GLYATL2: variants seen among roughly 807,000 people sequenced by gnomAD.
GLYATL2 encodes glycine N-acyltransferase-like protein 2.
In GLYATL2, 25 loss-of-function variants were observed where a neutral mutation model predicts 21.4. That is an observed-to-expected ratio of 1.17 (90% confidence interval 0.85 to 1.63). The LOEUF (loss-of-function observed/expected upper bound fraction) is 1.63, where lower values mean the gene tolerates loss of function less well. Among genes scored for constraint, GLYATL2 ranks in the 40% most tolerant of loss-of-function variants. The pLI, the probability that GLYATL2 is intolerant of heterozygous loss-of-function variation, is 0.00. For synonymous variants in GLYATL2, 114 were observed against 118.2 expected (o/e 0.96, Z 0.23); for missense variants, 361 against 343.3 (o/e 1.05, Z -0.41).
intron 1 of GLYATL2, among the ~76,000 whole-genome samples, chr11:58,874,030 G>A (rs529673894): frequency 4.3e-4 from 66 of 152,194 alleles, no homozygotes; most frequent in African/African-American, 1.5e-3. Flanking sequence ...TGTATGTGTC[G>A]AGGAATTTAT....
intron 1 of GLYATL2, among the ~76,000 whole-genome samples, chr11:58,887,746 G>A (rs1330897498): frequency 6.6e-6 from 1 of 152,142 alleles, no homozygotes; most frequent in African/African-American, 2.4e-5. Context: ...TTCTCTTGCT[G>A]TTGGGTTCAA....
intron 1 of GLYATL2, among the ~76,000 whole-genome samples, chr11:58,900,018 T>C (rs1190915564): frequency 4.0e-5 from 6 of 148,824 alleles, no homozygotes; most frequent in African/African-American, 1.5e-4. Flanking sequence ...TTTTGGGGGG[T>C]GGGGGGAGAT....
At chr11:58,861,391 A>C (rs618052) in intron 1 of GLYATL2, among the ~76,000 whole-genome samples, 138,206 of 152,000 alleles carry the variant, frequency 0.91, 63,444 homozygotes, top group Non-Finnish European at 0.98. Context: ...ATAATAGTCT[A>C]TTCTGATCCT....
upstream of GLYATL2, chr11:58,908,092 C>T (rs934154617): frequency 3.3e-5 from 5 of 152,376 alleles, no homozygotes; most frequent in Non-Finnish European, 4.4e-5. Context: ...CATCTCTGAT[C>T]CTCTGTGCTC....
Position 58,868,976 on chromosome 11 carries a change from T to A in GLYATL2, n.61-30608A>T, listed in dbSNP as rs2856254. Among the ~76,000 whole-genome samples the A allele has an allele frequency of 3.7e-5, 5 of 136,770 alleles. 1 individual carries two copies. Among genetic ancestry groups the A allele is most frequent in the African/African-American group, 1.2e-4 (5 of 40,322 alleles). 89.7% of individuals were successfully genotyped at this position (136,770 alleles called of 152,430 possible). On this transcript the variant is annotated intron_variant and non_coding_transcript_variant, in intron 1 of 4. Coordinates refer to the GLYATL2 transcript ENST00000533636. ...TTCAGTATGGACACTCTTGGGGAGT[T>A]GTTCGTCATTTTGTGTGTGTCCAGG...
intron 1 of GLYATL2, among the ~76,000 whole-genome samples, chr11:58,903,007 C>A (rs934837943): frequency 6.6e-6 from 1 of 152,172 alleles, no homozygotes; most frequent in African/African-American, 2.4e-5. Context: ...ACCTATAGCT[C>A]TAGGTAGTTA....
intron 1 of GLYATL2, among the ~76,000 whole-genome samples, chr11:58,841,283 T>G (rs1306466708): frequency 6.6e-6 from 1 of 152,202 alleles, no homozygotes; most frequent in African/African-American, 2.4e-5. Context: ...GTTAACAACA[T>G]GGGCTTTGGA....
chr11:58,905,758 G>GT, upstream of GLYATL2: 2 of 27,562 alleles, frequency 7.3e-5, 1 homozygote, highest in Non-Finnish European at 1.4e-4. Context: ...GGGCGGGTGG[G>GT]CGCGCAGTCC....
chr11:58,872,094 T>C (rs2134603639), intron 1 of GLYATL2, among the ~76,000 whole-genome samples: 1 of 152,370 alleles, frequency 6.6e-6, no homozygotes, highest in East Asian at 1.9e-4. Context: ...TTGAGAATTG[T>C]CTGTTCATAT....
rs1390127991 is a variant in GLYATL2, at chr11:58,844,528, A to G, written c.-135T>C. ...TCTGTAGCTAATACTCTACGGACTG[A>G]AACACAATAAAATTCAACTGACTCA... is the stretch of plus-strand genomic sequence containing the variant. On this transcript the variant is annotated 5_prime_UTR_variant, in exon 1 of 6. Coordinates refer to ENST00000287275, the MANE Select transcript of GLYATL2 (RefSeq NM_145016.4). 1.3e-5 allele frequency: 2 copies of G among 152,206 alleles called. No homozygotes were observed. Among genetic ancestry groups the G allele is most frequent in the East Asian group, 3.9e-4 (2 of 5,188 alleles). 9.4% of individuals were successfully genotyped at this position (152,206 alleles called of 1,614,324 possible). A position where few individuals can be genotyped will look rare whatever the true frequency, so the allele number is the denominator to read the frequency against.
upstream of GLYATL2, chr11:58,907,577 G>T (rs1590763489): frequency 2.8e-6 from 1 of 352,288 alleles, no homozygotes; most frequent in East Asian, 7.4e-5. Flanking sequence ...TAATGTTCCT[G>T]ACTACTAGTT....
At chr11:58,881,983 AT>A (rs1854344551) in intron 1 of GLYATL2, among the ~76,000 whole-genome samples, 1 of 152,018 alleles carries the variant, frequency 6.6e-6, no homozygotes, top group Non-Finnish European at 1.5e-5. Context: ...AATCCAGTCC[AT>A]GGACATTTGG....
chr11:58,883,979 T>C (rs191629134), intron 1 of GLYATL2, among the ~76,000 whole-genome samples: 94 of 152,298 alleles, frequency 6.2e-4, no homozygotes, highest in African/African-American at 2.2e-3. Flanking sequence ...CATGATTTTC[T>C]CAACAGATGC....
intron 1 of GLYATL2, among the ~76,000 whole-genome samples, chr11:58,896,851 T>A (rs1854644841): frequency 6.6e-6 from 1 of 152,224 alleles, no homozygotes; most frequent in South Asian, 2.1e-4. Context: ...ATATAGGAAT[T>A]AAGAAGACAG....
upstream of GLYATL2, among the ~76,000 whole-genome samples, chr11:58,906,591 C>A (rs766528662): frequency 6.6e-6 from 1 of 152,148 alleles, no homozygotes; most frequent in African/African-American, 2.4e-5. Flanking sequence ...CAGTCTCATT[C>A]TTTCTGTTGC....
chr11:58,881,525 T>C lies in GLYATL2; in HGVS notation n.60+22631A>G, dbSNP rs1194125642. On this transcript the variant is annotated intron_variant and non_coding_transcript_variant, in intron 1 of 4. Coordinates refer to the GLYATL2 transcript ENST00000533636. ...TCTGAAATATTTGGCCCTAAGAAAC[T>C]AAAGAAAATCTGTGCCAACTCCTAT... Among the ~76,000 whole-genome samples, 4 of 152,322 alleles carry C rather than the reference T, an allele frequency of 2.6e-5. No individual in the cohort carries two copies. The East Asian group carries it at 7.7e-4, about 29-fold the overall frequency.
At chr11:58,894,395 C>T (rs80304187) in intron 1 of GLYATL2, among the ~76,000 whole-genome samples, 4 of 140,634 alleles carry the variant, frequency 2.8e-5, no homozygotes, top group Non-Finnish European at 4.5e-5. Context: ...TTACACTTCA[C>T]GAACAAAATG....
chr11:58,851,924 T>C (rs1317608610), intron 1 of GLYATL2, among the ~76,000 whole-genome samples: 1 of 152,196 alleles, frequency 6.6e-6, no homozygotes, highest in Non-Finnish European at 1.5e-5. Flanking sequence ...AAGAGATCCA[T>C]AGATTTGAGA....
chr11:58,903,326 A>G lies in GLYATL2; in HGVS notation n.60+830T>C, dbSNP rs1215527158. Among the ~76,000 whole-genome samples the G allele has an allele frequency of 3.9e-5, 6 of 152,134 alleles. No homozygotes were observed. In the East Asian group the frequency reaches 5.8e-4, roughly 15 times the overall value. ...CAGGATTTTGTATTTATCATTTGCC[A>G]TGATCTCTCTCTGTGAACTTTCTTC... On this transcript the variant is annotated intron_variant and non_coding_transcript_variant, in intron 1 of 4. Coordinates refer to the GLYATL2 transcript ENST00000533636.
Sources: allele counts gnomAD v4.1 joint callset (sites outside exome capture counted in the v4.1 genomes callset), GRCh38; gene constraint gnomAD v4.1.1; transcripts MANE v1.5; gene names NCBI Gene and HGNC (gene_info 2026-07-23, HGNC 2026-07-21).